Variants in ANKS1B observed in about 807,000 individuals in gnomAD.
The protein encoded by ANKS1B is ankyrin repeat and sterile alpha motif domain-containing protein 1B.
Under a neutral mutation model 148.3 loss-of-function variants are expected in ANKS1B, and 36 were observed. The ratio of observed to expected loss-of-function variants is 0.24; its 90% CI spans 0.19 to 0.32. The LOEUF (loss-of-function observed/expected upper bound fraction) is 0.32. Ranked by LOEUF, ANKS1B falls within the 10% of genes least tolerant of loss-of-function variation. ANKS1B has a pLI of 1.00. For synonymous variants in ANKS1B, 542 were observed against 560.8 expected, an observed-to-expected ratio of 0.97 and a Z score of 0.47; for missense variants, 1,157 against 1,542.6, an observed-to-expected ratio of 0.75 and a Z score of 4.19.
At chr12:99,828,381 C>T (rs75739615) in intron 1 of ANKS1B, among the ~76,000 whole-genome samples, 1 of 152,252 alleles carries the variant, frequency 6.6e-6, no homozygotes, top group African/African-American at 2.4e-5. Flanking sequence ...CAATCCAGCA[C>T]ACCATTCAAA....
chr12:99,620,538 T>G (rs893043659), intron 9 of ANKS1B, among the ~76,000 whole-genome samples: 14 of 152,036 alleles, frequency 9.2e-5, no homozygotes, highest in African/African-American at 3.4e-4. Flanking sequence ...AAGAAATCAA[T>G]CAGAGCATTT....
rs537677692 is a variant in ANKS1B, at chr12:99,005,380, G to A, written c.2778+47777C>T. On this transcript the variant is annotated intron_variant, in intron 17 of 26. Coordinates refer to ENST00000683438, the MANE Select transcript of ANKS1B (RefSeq NM_001352186.2). ...TGCTCTCACCCAAACCTGCTCTGAG[G>A]AGGCTCAGTGCATTCTAATCCTTCC... is the stretch of plus-strand genomic sequence containing the variant. 1.1e-3 allele frequency among the ~76,000 whole-genome samples: 165 copies of A among 152,300 alleles called. 3 individuals carry two copies. The highest frequency in any genetic ancestry group is 9.1e-4 in the Admixed American group (14 of 15,308).
chr12:99,295,895 T>A (rs1415565367), intron 12 of ANKS1B, among the ~76,000 whole-genome samples: 1 of 152,198 alleles, frequency 6.6e-6, no homozygotes, highest in Non-Finnish European at 1.5e-5. Context: ...TGCTAAGGTG[T>A]CATTTTTAAG....
intron 12 of ANKS1B, among the ~76,000 whole-genome samples, chr12:99,293,411 G>T (rs2080341167): frequency 6.6e-6 from 1 of 152,094 alleles, no homozygotes; most frequent in African/African-American, 2.4e-5. Context: ...ATTACAAGTT[G>T]ATGGGTGCAG....
At chr12:99,918,555 T>C (rs1340358553) in intron 1 of ANKS1B, among the ~76,000 whole-genome samples, 1 of 152,174 alleles carries the variant, frequency 6.6e-6, no homozygotes, top group Non-Finnish European at 1.5e-5. Context: ...TAGTAAGTGA[T>C]AGAATCAGAA....
intron 12 of ANKS1B, among the ~76,000 whole-genome samples, chr12:99,320,275 C>G (rs1274330645): frequency 1.3e-5 from 2 of 152,184 alleles, no homozygotes; most frequent in Non-Finnish European, 2.9e-5. Flanking sequence ...TGGATAATAT[C>G]TCGCAGAGTG....
chr12:98,934,292 C>A (rs912862291), intron 17 of ANKS1B, among the ~76,000 whole-genome samples: 1 of 152,042 alleles, frequency 6.6e-6, no homozygotes, highest in Admixed American at 6.6e-5. Context: ...TTTGTGATGA[C>A]CAGTTGACCA....
At chr12:99,435,717 C>T (rs10777986) in intron 11 of ANKS1B, among the ~76,000 whole-genome samples, 31,244 of 151,800 alleles carry the variant, frequency 0.21, 3,625 homozygotes, top group African/African-American at 0.29. Flanking sequence ...AAGGTTGGAA[C>T]TAAATTCCTT....
chr12:98,784,599 C>T (rs2098771858), intron 22 of ANKS1B, among the ~76,000 whole-genome samples: 1 of 152,080 alleles, frequency 6.6e-6, no homozygotes, highest in Admixed American at 6.5e-5. Flanking sequence ...GTGGCAGCAG[C>T]TGGAGAGGAG....
At chr12:99,143,995 C>A (rs2072000151) in intron 15 of ANKS1B, among the ~76,000 whole-genome samples, 1 of 152,056 alleles carries the variant, frequency 6.6e-6, no homozygotes. Flanking sequence ...TTTAGTCTTT[C>A]TATAACTAAG....
intron 14 of ANKS1B, among the ~76,000 whole-genome samples, chr12:99,212,693 G>A (rs1214274963): frequency 6.6e-6 from 1 of 152,124 alleles, no homozygotes; most frequent in Non-Finnish European, 1.5e-5. Flanking sequence ...TCATTTTTGA[G>A]GGTCAAAGAC....
At chr12:99,292,334 A>C (rs2080125487) in intron 12 of ANKS1B, among the ~76,000 whole-genome samples, 1 of 147,460 alleles carries the variant, frequency 6.8e-6, no homozygotes, top group Non-Finnish European at 1.5e-5. Flanking sequence ...TACTAAAAAT[A>C]AAAATAAAAA....
chr12:99,047,243 T>TA (rs1167813140), intron 17 of ANKS1B, among the ~76,000 whole-genome samples: 4 of 151,986 alleles, frequency 2.6e-5, no homozygotes, highest in Non-Finnish European at 4.4e-5. Flanking sequence ...CCACTAAAAA[T>TA]ACAAAAATTA....
rs537450979 is a variant in ANKS1B, at chr12:99,369,442, G to A, written c.1756+30189C>T. Among the ~76,000 whole-genome samples the A allele has an allele frequency of 5.9e-5, 9 of 152,258 alleles. No individual in the cohort carries two copies. In the South Asian group the frequency reaches 1.7e-3, roughly 28 times the overall value. On this transcript the variant is annotated intron_variant, in intron 12 of 26. Transcript: ENST00000683438. ...GTTCTAGACTTAAAGAAACTTGAGT[G>A]ATGTAACAATCAAATTAAATAAGTG...
intron 9 of ANKS1B, among the ~76,000 whole-genome samples, chr12:99,637,572 A>G (rs918865582): frequency 1.3e-5 from 2 of 152,140 alleles, no homozygotes; most frequent in African/African-American, 4.8e-5. Context: ...CTGCCAGTGC[A>G]GCTAGGATAA....
At chr12:99,910,230 C>T (rs974484299) in intron 1 of ANKS1B, among the ~76,000 whole-genome samples, 3 of 151,816 alleles carry the variant, frequency 2.0e-5, no homozygotes, top group Admixed American at 6.6e-5. Flanking sequence ...TGCCCCGTGC[C>T]TGTAATCCCA....
chr12:99,316,087 T>C (rs1420702783), intron 12 of ANKS1B, among the ~76,000 whole-genome samples: 1 of 152,210 alleles, frequency 6.6e-6, no homozygotes, highest in East Asian at 1.9e-4. Context: ...ACATTGGGGT[T>C]GGTTCCAAGT....
intron 4 of ANKS1B, among the ~76,000 whole-genome samples, chr12:99,805,287 A>ACAAAAAAAC (rs2067490576): frequency 6.7e-6 from 1 of 149,090 alleles, no homozygotes; most frequent in Non-Finnish European, 1.5e-5. Flanking sequence ...AAAAAAAAAA[A>ACAAAAAAAC]AGACTAACCC....
chr12:99,569,018 T>G (rs1012192642), intron 9 of ANKS1B, among the ~76,000 whole-genome samples: 1 of 152,194 alleles, frequency 6.6e-6, no homozygotes, highest in Admixed American at 6.5e-5. Context: ...CACGGTGATA[T>G]GTCTTTGGTT....
Sources: gnomAD v4.1 joint callset for allele counts (sites outside exome capture counted in the v4.1 genomes callset) on GRCh38, gnomAD v4.1.1 for gene constraint, MANE v1.5 for transcripts, NCBI Gene and HGNC (gene_info 2026-07-23, HGNC 2026-07-21) for gene names.